The following ZNF385D variants were observed in gnomAD, a reference collection of about 807,000 sequenced individuals.
The protein encoded by ZNF385D is zinc finger protein 659.
In ZNF385D, 15 loss-of-function variants were observed where a neutral mutation model predicts 35.8. The observed-to-expected ratio is 0.42, with a 90% CI of 0.28 to 0.64. ZNF385D has a LOEUF of 0.64. Ranked by LOEUF, ZNF385D falls within the 30% of genes least tolerant of loss-of-function variation. ZNF385D has a pLI of 0.23. For synonymous variants in ZNF385D, 212 were observed against 186.8 expected, an observed-to-expected ratio of 1.13 and a Z score of -1.10; for missense variants, 474 against 494.6, an observed-to-expected ratio of 0.96 and a Z score of 0.39.
intron 3 of ZNF385D, among the ~76,000 whole-genome samples, chr3:22,136,852 G>T (rs1277297768): frequency 6.6e-6 from 1 of 152,106 alleles, no homozygotes; most frequent in Non-Finnish European, 1.5e-5. Flanking sequence ...ATACACTGTA[G>T]AATTCCAACT....
chr3:21,444,391 T>G (rs1367775167), intron 4 of ZNF385D, among the ~76,000 whole-genome samples: 3 of 70,164 alleles, frequency 4.3e-5, no homozygotes, highest in Admixed American at 3.0e-4. Flanking sequence ...TTTTTTGTTT[T>G]TTTTTTTTTT....
chr3:21,971,838 T>C (rs1703279439), intron 3 of ZNF385D, among the ~76,000 whole-genome samples: 1 of 151,772 alleles, frequency 6.6e-6, no homozygotes, highest in African/African-American at 2.4e-5. Flanking sequence ...ACAAAATAGA[T>C]TTAAAAACAA....
chr3:22,043,495 T>G (rs1261976276), intron 3 of ZNF385D, among the ~76,000 whole-genome samples: 9 of 152,210 alleles, frequency 5.9e-5, no homozygotes, highest in Admixed American at 5.9e-4. Context: ...TAAACATATT[T>G]ACTTGTATAT....
Position 21,586,410 on chromosome 3 carries a change from C to T in ZNF385D, c.166-21726G>A, listed in dbSNP as rs74953179. Among the ~76,000 whole-genome samples, 854 of 151,962 alleles carry T rather than the reference C, an allele frequency of 5.6e-3. 7 individuals are homozygous for T. Among genetic ancestry groups the T allele is most frequent in the African/African-American group, 0.02 (819 of 41,396 alleles). ...ATTGCGGTTTTCAGACACCATTATC[C>T]TTCAGATACTGAGGGCCAAATAAAC... On this transcript the variant is annotated intron_variant, in intron 2 of 7. Coordinates refer to ENST00000281523, the MANE Select transcript of ZNF385D (RefSeq NM_024697.3).
intron 3 of ZNF385D, among the ~76,000 whole-genome samples, chr3:21,786,018 T>C: frequency 8.1e-6 from 1 of 123,148 alleles, no homozygotes; most frequent in African/African-American, 3.2e-5. Context: ...GCTGTTACTT[T>C]ACCCTTTTTT....
At chr3:22,084,246 T>G (rs1309673961) in intron 3 of ZNF385D, among the ~76,000 whole-genome samples, 1 of 152,194 alleles carries the variant, frequency 6.6e-6, no homozygotes, top group Admixed American at 6.5e-5. Flanking sequence ...TAACCTTAAA[T>G]GTAAATGGGC....
intron 2 of ZNF385D, among the ~76,000 whole-genome samples, chr3:22,227,603 C>CA (rs2125291464): frequency 6.6e-6 from 1 of 152,262 alleles, no homozygotes; most frequent in South Asian, 2.1e-4. Context: ...AGCTGGAGCT[C>CA]AGCCACCAGA....
intron 2 of ZNF385D, among the ~76,000 whole-genome samples, chr3:22,330,072 C>T (rs1414495169): frequency 3.9e-5 from 6 of 152,026 alleles, no homozygotes; most frequent in Non-Finnish European, 8.8e-5. Context: ...TTGATCGATT[C>T]TCCTTTAAAC....
chr3:22,205,130 T>C (rs774181078), intron 2 of ZNF385D, among the ~76,000 whole-genome samples: 1 of 151,128 alleles, frequency 6.6e-6, no homozygotes, highest in Non-Finnish European at 1.5e-5. Flanking sequence ...AAAAATGAAA[T>C]AAATGGCATC....
chr3:22,238,403 T>C (rs1168822547), intron 2 of ZNF385D, among the ~76,000 whole-genome samples: 1 of 151,144 alleles, frequency 6.6e-6, no homozygotes, highest in African/African-American at 2.4e-5. Flanking sequence ...CAGTTTGACA[T>C]GTATTTCTAT....
At chr3:22,093,455 A>G (rs1451430688) in intron 3 of ZNF385D, among the ~76,000 whole-genome samples, 1 of 152,024 alleles carries the variant, frequency 6.6e-6, no homozygotes. Flanking sequence ...AAATCAAAGT[A>G]AACAGAATGG....
intron 2 of ZNF385D, among the ~76,000 whole-genome samples, chr3:22,219,128 G>A (rs1455282289): frequency 6.6e-6 from 1 of 151,878 alleles, no homozygotes; most frequent in African/African-American, 2.4e-5. Flanking sequence ...GCTCTTTTTG[G>A]GCTGAGACAG....
chr3:21,786,144 A>T (rs1214573502), intron 3 of ZNF385D, among the ~76,000 whole-genome samples: 4 of 152,174 alleles, frequency 2.6e-5, no homozygotes, highest in African/African-American at 9.7e-5. Context: ...TCACAAACGT[A>T]AACAGAACTG....
intron 4 of ZNF385D, among the ~76,000 whole-genome samples, chr3:21,483,162 C>T (rs1704759294): frequency 6.6e-6 from 1 of 152,108 alleles, no homozygotes; most frequent in Non-Finnish European, 1.5e-5. Flanking sequence ...CATAGCTTAC[C>T]TCCAACCCTA....
intron 3 of ZNF385D, among the ~76,000 whole-genome samples, chr3:21,970,258 G>A (rs1292979934): frequency 6.6e-6 from 1 of 152,102 alleles, no homozygotes; most frequent in Non-Finnish European, 1.5e-5. Flanking sequence ...GAGACACAGA[G>A]ATATGTGACT....
At chr3:22,343,877 A>G (rs1292243192) in intron 2 of ZNF385D, among the ~76,000 whole-genome samples, 1 of 152,056 alleles carries the variant, frequency 6.6e-6, no homozygotes, top group Non-Finnish European at 1.5e-5. Flanking sequence ...ATGCTTATTA[A>G]TTCCCCAACT....
chr3:21,824,637 GAACCTGAT>G (rs763891776), intron 3 of ZNF385D, among the ~76,000 whole-genome samples: 49 of 152,012 alleles, frequency 3.2e-4, no homozygotes, highest in Middle Eastern at 3.4e-3. Context: ...TTTCTTTTAA[GAACCTGAT>G]AAAGAAGGGT....
intron 5 of ZNF385D, among the ~76,000 whole-genome samples, chr3:21,432,874 T>C (rs1478635084): frequency 6.6e-6 from 1 of 151,860 alleles, no homozygotes; most frequent in African/African-American, 2.4e-5. Context: ...TAATTGCAAC[T>C]TCAAATGGTT....
At chr3:22,003,763 T>A (rs35385766) in intron 3 of ZNF385D, among the ~76,000 whole-genome samples, 41,287 of 151,398 alleles carry the variant, frequency 0.27, 6,229 homozygotes, top group South Asian at 0.43. Flanking sequence ...GCTACTCAGG[T>A]GGCTGAGGCG....
Sources: gnomAD v4.1 joint callset for allele counts (sites outside exome capture counted in the v4.1 genomes callset) on GRCh38, gnomAD v4.1.1 for gene constraint, MANE v1.5 for transcripts, NCBI Gene and HGNC (gene_info 2026-07-23, HGNC 2026-07-21) for gene names.